TTC28: variants seen among roughly 807,000 people sequenced by gnomAD.
The protein encoded by TTC28 is tetratricopeptide repeat domain 28, also known as tetratricopeptide repeat protein 28.
In TTC28, 61 loss-of-function variants were observed where a neutral mutation model predicts 198.0. That is an observed-to-expected ratio of 0.31 (90% CI 0.25 to 0.38). The LOEUF is 0.38. TTC28 is among the 10% of genes least tolerant of loss of function. The pLI is 1.00. For synonymous variants in TTC28, 1,171 were observed against 1,297.8 expected, an observed-to-expected ratio of 0.90 and a Z score of 2.10; for missense variants, 2,678 against 3,164.0, an observed-to-expected ratio of 0.85 and a Z score of 3.69.
At chr22:28,203,708 C>A (rs1926163117) in intron 5 of TTC28, among the ~76,000 whole-genome samples, 2 of 152,118 alleles carry the variant, frequency 1.3e-5, no homozygotes. Context: ...ACCACTCCCA[C>A]CCACCTGCCT....
chr22:28,296,314 C>G lies in TTC28; in HGVS notation c.817G>C (p.Glu273Gln). 1 of 1,535,650 alleles carries G rather than the reference C, an allele frequency of 6.5e-7. No individual in the cohort carries two copies. The highest frequency in any genetic ancestry group is 8.8e-7 in the Non-Finnish European group (1 of 1,141,386). The change falls in exon 5 of 23, where the codon GAA (glutamate) becomes CAA (glutamine). Residue 273 changes from glutamate to glutamine, a missense_variant. Transcript: ENST00000397906. ...VAKTLGDQTG[E>Q]CRAHGNLGSA... ...CCCAGATTCCCATGAGCTCGGCATT[C>G]TCCTGTCTGGTCACCTGGATTGAAT... is the stretch of plus-strand genomic sequence containing the variant.
At chr22:28,471,400 G>C (rs1024747810) in intron 2 of TTC28, among the ~76,000 whole-genome samples, 1 of 152,108 alleles carries the variant, frequency 6.6e-6, no homozygotes, top group Non-Finnish European at 1.5e-5. Flanking sequence ...AAAATCATCA[G>C]AAATAAAGAT....
At chr22:28,500,522 C>A (rs190033060) in intron 2 of TTC28, among the ~76,000 whole-genome samples, 1 of 152,000 alleles carries the variant, frequency 6.6e-6, no homozygotes, top group Non-Finnish European at 1.5e-5. Context: ...ATAATTACAG[C>A]GAGAAAATTA....
rs754700795 is a variant in TTC28, at chr22:28,243,174, C to CAAAAAAAAAAAAAAAAAAA, written c.933+53005_933+53023dup. 6.3e-4 allele frequency among the ~76,000 whole-genome samples: 43 copies of CAAAAAAAAAAAAAAAAAAA among 68,328 alleles called. 4 individuals carry two copies. The highest frequency in any genetic ancestry group is 6.9e-4 in the Non-Finnish European group (27 of 38,910). 44.8% of individuals were successfully genotyped at this position (68,328 alleles called of 152,430 possible). On this transcript the variant is annotated intron_variant, in intron 5 of 22. Coordinates refer to ENST00000397906, the MANE Select transcript of TTC28 (RefSeq NM_001145418.2). ...GCAACCTGGCAAAACCCCCTCTCTA[C>CAAAAAAAAAAAAAAAAAAA]AAAAAAAAAAAAAAAAAAAAAAAAA...
At chr22:28,131,807 G>C (rs1943065358) in intron 6 of TTC28, among the ~76,000 whole-genome samples, 1 of 152,282 alleles carries the variant, frequency 6.6e-6, no homozygotes, top group Non-Finnish European at 1.5e-5. Context: ...GTTTAGCACA[G>C]CTCCTGGAAT....
At chr22:28,586,115 C>CT (rs1424471714) in intron 2 of TTC28, among the ~76,000 whole-genome samples, 2 of 151,546 alleles carry the variant, frequency 1.3e-5, no homozygotes, top group Non-Finnish European at 2.9e-5. Context: ...CCCCTCTCTA[C>CT]AAAAATACAA....
At chr22:28,577,965 T>A (rs1352306531) in intron 2 of TTC28, among the ~76,000 whole-genome samples, 1 of 152,174 alleles carries the variant, frequency 6.6e-6, no homozygotes, top group East Asian at 1.9e-4. Flanking sequence ...TTGTGTTCAA[T>A]GTTATTATTG....
intron 2 of TTC28, among the ~76,000 whole-genome samples, chr22:28,543,967 T>C (rs975986015): frequency 2.0e-5 from 3 of 152,224 alleles, no homozygotes; most frequent in Non-Finnish European, 2.9e-5. Context: ...ACGCCTGTAA[T>C]CCCAGCACTT....
chr22:28,214,136 G>A lies in TTC28; in HGVS notation c.934-50537C>T, dbSNP rs1489840864. On this transcript the variant is annotated intron_variant, in intron 5 of 22. Coordinates refer to ENST00000397906, the MANE Select transcript of TTC28 (RefSeq NM_001145418.2). ...CCTTATACAAAAATTAATTCAAGAT[G>A]GGATAAAAGACTTAAATGTTAGACC... Among the ~76,000 whole-genome samples, 8 of 152,098 alleles carry A rather than the reference G, an allele frequency of 5.3e-5. No homozygotes were observed. The East Asian group carries it at 1.5e-3, about 29-fold the overall frequency.
At chr22:28,332,296 C>T (rs964059578) in intron 2 of TTC28, among the ~76,000 whole-genome samples, 1 of 151,742 alleles carries the variant, frequency 6.6e-6, no homozygotes, top group Non-Finnish European at 1.5e-5. Flanking sequence ...CATAAGGTCC[C>T]TAATTAATAT....
At chr22:28,059,555 T>G (rs573776899) in intron 12 of TTC28, among the ~76,000 whole-genome samples, 1 of 152,206 alleles carries the variant, frequency 6.6e-6, no homozygotes, top group South Asian at 2.1e-4. Context: ...TTGGTGTTTT[T>G]GTATCATCTA....
chr22:28,093,236 G>A (rs796369085), intron 12 of TTC28, among the ~76,000 whole-genome samples: 3 of 152,150 alleles, frequency 2.0e-5, no homozygotes, highest in African/African-American at 7.2e-5. Flanking sequence ...AGCAACCACC[G>A]CATGCTTGGG....
chr22:28,198,835 T>G (rs1298735225), intron 5 of TTC28, among the ~76,000 whole-genome samples: 1 of 152,152 alleles, frequency 6.6e-6, no homozygotes, highest in Non-Finnish European at 1.5e-5. Context: ...AACAGGGAAG[T>G]CTTTTATGTG....
intron 12 of TTC28, among the ~76,000 whole-genome samples, chr22:28,086,195 A>G (rs1941589624): frequency 6.6e-6 from 1 of 152,094 alleles, no homozygotes; most frequent in African/African-American, 2.4e-5. Flanking sequence ...TCCACCCCAA[A>G]TCAACAGAAT....
At position 28,107,235 on chromosome 22, in the gene TTC28, A is replaced by G. The variant is rs1942334550; in HGVS notation, c.2610T>C (p.Asn870=). The change falls in exon 7 of 23, where the codon AAT becomes AAC. Residue 870 remains asparagine (N), a synonymous_variant. Coordinates refer to ENST00000397906, the MANE Select transcript of TTC28 (RefSeq NM_001145418.2). The part of the protein sequence containing the change: ...QLAMLQQLSG[N]ESVLDRGRAY... ...CCCGGCCCCTGTCGAGCACAGACTC[A>G]TTTCCACTTAGCTGCTGCAGCATGG... is the stretch of plus-strand genomic sequence containing the variant. 4.5e-6 allele frequency: 7 copies of G among 1,551,640 alleles called. 1 individual carries two copies. The highest frequency in any genetic ancestry group is 3.3e-4 in the Middle Eastern group (2 of 5,992).
intron 12 of TTC28, among the ~76,000 whole-genome samples, chr22:28,069,634 G>C (rs1940884944): frequency 6.6e-6 from 1 of 152,074 alleles, no homozygotes; most frequent in Non-Finnish European, 1.5e-5. Flanking sequence ...AAAATGACAA[G>C]TATTATATAG....
chr22:28,620,148 G>A (rs1393234801), intron 2 of TTC28, among the ~76,000 whole-genome samples: 3 of 152,048 alleles, frequency 2.0e-5, no homozygotes, highest in African/African-American at 7.2e-5. Context: ...TCAGGAGTTC[G>A]AGACCAGCCT....
chr22:28,286,575 C>T (rs1250511419), intron 5 of TTC28, among the ~76,000 whole-genome samples: 1 of 152,140 alleles, frequency 6.6e-6, no homozygotes, highest in Non-Finnish European at 1.5e-5. Context: ...AAACTGGTAA[C>T]AGTGGTTACT....
chr22:28,123,598 A>T (rs928953429), intron 6 of TTC28, among the ~76,000 whole-genome samples: 4 of 152,116 alleles, frequency 2.6e-5, no homozygotes, highest in Admixed American at 6.6e-5. Flanking sequence ...TTTATTGCAC[A>T]CTTTACATTT....
Sources: allele counts gnomAD v4.1 joint callset (sites outside exome capture counted in the v4.1 genomes callset), GRCh38; gene constraint gnomAD v4.1.1; transcripts MANE v1.5; gene names NCBI Gene and HGNC (gene_info 2026-07-23, HGNC 2026-07-21).